The following NFATC2 variants were observed in gnomAD, a reference collection of about 807,000 sequenced individuals.
The protein encoded by NFATC2 is nuclear factor of activated T cells 2.
A neutral mutation model predicts 87.3 loss-of-function variants in NFATC2; 22 were observed. The observed-to-expected ratio is 0.25, with a 90% CI of 0.18 to 0.36. The LOEUF (loss-of-function observed/expected upper bound fraction) is 0.36. Ranked by LOEUF, NFATC2 falls within the 10% of genes least tolerant of loss-of-function variation. The pLI is 1.00. For missense variants in NFATC2, 1,149 were observed against 1,259.1 expected, an observed-to-expected ratio of 0.91 and a Z score of 1.32; for synonymous variants, 565 against 542.2, an observed-to-expected ratio of 1.04 and a Z score of -0.58.
chr20:51,451,040 C>T (rs1456357102), intron 6 of NFATC2, among the ~76,000 whole-genome samples: 6 of 152,182 alleles, frequency 3.9e-5, no homozygotes, highest in African/African-American at 1.4e-4. Flanking sequence ...TAGGATCCAG[C>T]CTCAAACTCT....
At position 51,418,236 on chromosome 20, in the gene NFATC2, G is replaced by C. The variant is rs1177592498; in HGVS notation, c.2722+13831C>G. 2.6e-5 allele frequency among the ~76,000 whole-genome samples: 4 copies of C among 152,172 alleles called. No homozygotes were observed. In the East Asian group the frequency reaches 7.7e-4, roughly 29 times the overall value. ...TCCTTCCCCGAAACACACATGGTGTGGTCAGCACTCAATATTATAAAGCTG... is the reference window on the plus strand; with the variant it reads ...TCCTTCCCCGAAACACACATGGTGTCGTCAGCACTCAATATTATAAAGCTG... On this transcript the variant is annotated intron_variant, in intron 9 of 10. Coordinates refer to ENST00000371564, the MANE Select transcript of NFATC2 (RefSeq NM_012340.5).
chr20:51,514,808 G>A (rs1265899341), intron 3 of NFATC2, among the ~76,000 whole-genome samples: 1 of 152,208 alleles, frequency 6.6e-6, no homozygotes, highest in Non-Finnish European at 1.5e-5. Flanking sequence ...AGGAGGCAGA[G>A]GTTGCAGTGA....
In NFATC2 at chr20:51,542,626, G is replaced by A; in HGVS notation, c.-127C>T. On this transcript the variant is annotated 5_prime_UTR_variant, in exon 1 of 11. Coordinates refer to ENST00000371564, the MANE Select transcript of NFATC2 (RefSeq NM_012340.5). ...GGTCCCTTTCCTCGTAGGGACGCAC[G>A]CCGGGTCCGGGGACGGCGCGCCTGG... is the stretch of plus-strand genomic sequence containing the variant. The A allele has an allele frequency of 8.3e-7, 1 of 1,205,828 alleles. No homozygotes were observed. Among genetic ancestry groups the A allele is most frequent in the Non-Finnish European group, 1.0e-6 (1 of 968,440 alleles). 74.7% of individuals were successfully genotyped at this position (1,205,828 alleles called of 1,614,324 possible).
rs777397846 is a variant in NFATC2 at position 51,432,785 on chromosome 20, G to A, written c.2033-29C>T. Reference sequence around the variant, plus strand: ...GGAGGAGAAAAGAGCACATAGGGGCGCCCATGGCAGTGAGCCACGGATGTG... The same window carrying A: ...GGAGGAGAAAAGAGCACATAGGGGCACCCATGGCAGTGAGCCACGGATGTG... On this transcript the variant is annotated intron_variant, in intron 8 of 10. Transcript: ENST00000371564. This position sits in a 1 kb window ranked among gnomAD's most constrained non-coding sequence, Gnocchi z 4.6. 16 of 1,518,368 alleles carry A rather than the reference G, an allele frequency of 1.1e-5. No individual in the cohort carries two copies. The highest frequency in any genetic ancestry group is 6.4e-5 in the South Asian group (5 of 78,038). The allele number at this position is 1,518,368 out of a possible 1,614,324, so 94.1% of individuals were successfully genotyped here.
chr20:51,497,590 C>A (rs1382262829), intron 3 of NFATC2, among the ~76,000 whole-genome samples: 4 of 152,186 alleles, frequency 2.6e-5, no homozygotes, highest in African/African-American at 7.2e-5. Flanking sequence ...CGCCTCCCCC[C>A]ATGATAGACG....
intron 1 of NFATC2, 117 bp downstream of exon 1, chr20:51,542,249 ACCCT>A (rs1200306760): frequency 1.6e-6 from 2 of 1,268,722 alleles, no homozygotes; most frequent in Admixed American, 6.7e-5. Context: ...GGGTAGGGGC[ACCCT>A]CCCTCCAGGC....
chr20:51,522,432 G>T lies in NFATC2; in HGVS notation c.1160+649C>A, dbSNP rs73913460. Among the ~76,000 whole-genome samples the T allele has an allele frequency of 7.1e-3, 1,077 of 152,280 alleles. 11 individuals are homozygous for T. The highest frequency in any genetic ancestry group is 0.025 in the African/African-American group (1,035 of 41,556). On this transcript the variant is annotated intron_variant, in intron 2 of 10. Transcript: ENST00000371564. ...GCAGCAGAAAGGCAGCAGCAGAGAT[G>T]CCCGTGTTCACTCAGGTAGTGAGTG...
rs1248560288 is a variant in NFATC2 at position 51,391,124 on chromosome 20, T to C, written c.*372A>G. On this transcript the variant is annotated 3_prime_UTR_variant, in exon 11 of 11. Transcript: ENST00000371564. Reference sequence around the variant, plus strand: ...TCCTGTCTCATGTAGAATGTGCTTTTGGTCAGCAGGTGCTTACTATTTGGA... The same window carrying C: ...TCCTGTCTCATGTAGAATGTGCTTTCGGTCAGCAGGTGCTTACTATTTGGA... 1.7e-6 allele frequency: 1 copy of C among 596,168 alleles called. No homozygotes were observed. The highest frequency in any genetic ancestry group is 3.1e-6 in the Non-Finnish European group (1 of 320,796). 36.9% of individuals were successfully genotyped at this position (596,168 alleles called of 1,614,324 possible). A position where few individuals can be genotyped will look rare whatever the true frequency, so the allele number is the denominator to read the frequency against.
chr20:51,562,808 C>G (rs1037791538), upstream of NFATC2: 4 of 562,922 alleles, frequency 7.1e-6, no homozygotes, highest in African/African-American at 7.8e-5. The surrounding 1 kb of genome is among the most constrained non-coding windows in gnomAD (Gnocchi z 5.8). Context: ...GTCGGCGCGG[C>G]TCCGCGATCC....
intron 5 of NFATC2, among the ~76,000 whole-genome samples, chr20:51,470,258 A>G (rs1260215448): frequency 7.9e-5 from 12 of 152,094 alleles, no homozygotes; most frequent in Non-Finnish European, 1.5e-5. Flanking sequence ...GAGACTGGAG[A>G]AGGGTCAGGT....
rs556094763 is a variant in NFATC2, at chr20:51,527,191, G to A, written c.131-3081C>T. Reference sequence around the variant, plus strand: ...GTTGTGATTACAGACGAGAACAACCGTGTCTGGCAAAGGGGAGTTTTTAAA... The same window carrying A: ...GTTGTGATTACAGACGAGAACAACCATGTCTGGCAAAGGGGAGTTTTTAAA... On this transcript the variant is annotated intron_variant, in intron 1 of 10. Transcript: ENST00000371564. 4.6e-5 allele frequency among the ~76,000 whole-genome samples: 7 copies of A among 151,966 alleles called. No homozygotes were observed. In the South Asian group the frequency reaches 1.0e-3, roughly 23 times the overall value.
chr20:51,400,579 C>T lies in NFATC2; in HGVS notation c.2723-1849G>A, dbSNP rs1246981077. On this transcript the variant is annotated intron_variant, in intron 9 of 10. Coordinates refer to ENST00000371564, the MANE Select transcript of NFATC2 (RefSeq NM_012340.5). ...ACATGATGGCTCCGTCTGCAGCATTCGGAGGTGCAGCTTCCTGTTTAGTCA... is the reference window on the plus strand; with the variant it reads ...ACATGATGGCTCCGTCTGCAGCATTTGGAGGTGCAGCTTCCTGTTTAGTCA... Among the ~76,000 whole-genome samples the T allele has an allele frequency of 5.3e-5, 8 of 152,150 alleles. No homozygotes were observed. In the East Asian group the frequency reaches 9.6e-4, roughly 18 times the overall value.
At chr20:51,449,253 T>C (rs963612420) in intron 6 of NFATC2, among the ~76,000 whole-genome samples, 1 of 152,102 alleles carries the variant, frequency 6.6e-6, no homozygotes, top group Non-Finnish European at 1.5e-5. Flanking sequence ...AAAAAAGAAG[T>C]TGAGCAACAG....
intron 3 of NFATC2, among the ~76,000 whole-genome samples, chr20:51,512,151 TC>T (rs1168590626): frequency 2.6e-5 from 4 of 152,100 alleles, no homozygotes; most frequent in Non-Finnish European, 5.9e-5. Flanking sequence ...CTGTTCCAGG[TC>T]CCAGCTGACA....
intron 3 of NFATC2, among the ~76,000 whole-genome samples, chr20:51,503,601 C>A (rs2076126622): frequency 6.6e-6 from 1 of 152,190 alleles, no homozygotes; most frequent in South Asian, 2.1e-4. Flanking sequence ...TGCTTCTGGG[C>A]CCAGCTGCCC....
chr20:51,424,251 T>G (rs1981420494), intron 9 of NFATC2, among the ~76,000 whole-genome samples: 1 of 152,230 alleles, frequency 6.6e-6, no homozygotes, highest in Non-Finnish European at 1.5e-5. Flanking sequence ...AACTATCCTT[T>G]GCTGAACCTT....
At chr20:51,467,638 A>G (rs1444437456) in intron 5 of NFATC2, among the ~76,000 whole-genome samples, 1 of 152,180 alleles carries the variant, frequency 6.6e-6, no homozygotes, top group African/African-American at 2.4e-5. Flanking sequence ...GCACATTAAA[A>G]CCACAATGAG....
chr20:51,448,195 C>G (rs1985313382), intron 6 of NFATC2, among the ~76,000 whole-genome samples: 1 of 152,174 alleles, frequency 6.6e-6, no homozygotes, highest in Non-Finnish European at 1.5e-5. Context: ...GCGCTAAGTG[C>G]CCCCAAGAAA....
rs1223720066 is a variant in NFATC2 at position 51,474,065 on chromosome 20, C to G, written c.1623G>C (p.Arg541=). 1.9e-6 allele frequency: 3 copies of G among 1,614,208 alleles called. No homozygotes were observed. In the South Asian group the frequency reaches 3.3e-5, roughly 18 times the overall value. Residue 541 remains arginine (R), a synonymous_variant, in exon 5 of 11, where the codon CGG becomes CGC. Transcript: ENST00000371564. ...GETDIGRKNT[R]VRLVFRVHIP... is the part of the protein sequence containing the mutation. ...TGTGAACTCGGAAAACCAGTCTCAC[C>G]CGCGTGTTCTTTCTTCCAATGTCCG...
Sources: allele counts gnomAD v4.1 joint callset (sites outside exome capture counted in the v4.1 genomes callset), GRCh38; gene constraint gnomAD v4.1.1; non-coding constraint Gnocchi (gnomAD v3.1); transcripts MANE v1.5; gene names NCBI Gene and HGNC (gene_info 2026-07-23, HGNC 2026-07-21).